The following RBFOX3 variants were observed in gnomAD, a reference collection of about 807,000 sequenced individuals.
RBFOX3 encodes the protein RNA binding fox-1 homolog 3, also known as RNA binding protein fox-1 homolog 3.
Under a neutral mutation model 48.7 loss-of-function variants are expected in RBFOX3, and 17 were observed. The observed-to-expected ratio is 0.35, with a 90% CI of 0.24 to 0.52. RBFOX3 has a LOEUF of 0.52. RBFOX3 is among the 20% of genes least tolerant of loss of function. RBFOX3 has a pLI of 0.94. For missense variants in RBFOX3, 382 were observed against 497.5 expected, an observed-to-expected ratio of 0.77 and a Z score of 2.21; for synonymous variants, 212 against 209.5, an observed-to-expected ratio of 1.01 and a Z score of -0.10.
At chr17:79,181,234 CCTTA>C (rs2051854520) in intron 4 of RBFOX3, among the ~76,000 whole-genome samples, 1 of 152,160 alleles carries the variant, frequency 6.6e-6, no homozygotes, top group Non-Finnish European at 1.5e-5. Flanking sequence ...AGACCAGGAC[CCTTA>C]CTCTAAATCC....
chr17:79,517,113 C>T (rs924446976), intron 1 of RBFOX3, among the ~76,000 whole-genome samples: 1 of 151,924 alleles, frequency 6.6e-6, no homozygotes, highest in South Asian at 2.1e-4. Context: ...CAAAATGGTT[C>T]GTGTGGTAAG....
chr17:79,222,184 T>G (rs28631123), intron 4 of RBFOX3, among the ~76,000 whole-genome samples: 8,273 of 151,866 alleles, frequency 0.054, 344 homozygotes, highest in Admixed American at 0.11. Context: ...GATTTCTACC[T>G]GCAGCCTGAT....
At chr17:79,155,722 G>A (rs554184991) in intron 4 of RBFOX3, among the ~76,000 whole-genome samples, 7 of 152,070 alleles carry the variant, frequency 4.6e-5, no homozygotes, top group South Asian at 2.1e-4. Flanking sequence ...CCTCCAAGAC[G>A]GGGGAGGCAA....
chr17:79,373,417 A>G (rs2058815204), intron 2 of RBFOX3, among the ~76,000 whole-genome samples: 1 of 152,216 alleles, frequency 6.6e-6, no homozygotes, highest in Non-Finnish European at 1.5e-5. Context: ...ACGTGCTCAG[A>G]GCCTCTGATC....
At chr17:79,253,973 C>T (rs761334834) in intron 3 of RBFOX3, among the ~76,000 whole-genome samples, 5 of 152,168 alleles carry the variant, frequency 3.3e-5, no homozygotes, top group Non-Finnish European at 7.3e-5. Context: ...AGGTCAGGTT[C>T]CCAAACCTAA....
In RBFOX3 at chr17:79,243,593, T is replaced by C. The variant is rs2062715837; in HGVS notation, c.-73-7788A>G. ...CTGCAGGCACCTGGCTGCCCTCAGG[T>C]GGGAGGGTGTGGGGAAGGTGCTGGC... On this transcript the variant is annotated intron_variant, in intron 3 of 14. Coordinates refer to ENST00000693108, the MANE Select transcript of RBFOX3 (RefSeq NM_001350451.2). This position sits in a 1 kb window ranked among gnomAD's most constrained non-coding sequence, Gnocchi z 7.9. 1.3e-5 allele frequency among the ~76,000 whole-genome samples: 2 copies of C among 152,072 alleles called. No individual in the cohort carries two copies. Among genetic ancestry groups the C allele is most frequent in the East Asian group, 1.9e-4 (1 of 5,156 alleles).
chr17:79,642,906 A>G, the RBFOX3 span, among the ~76,000 whole-genome samples: 2 of 152,234 alleles, frequency 1.3e-5, no homozygotes, highest in South Asian at 4.1e-4. Flanking sequence ...AAGGCTTAAA[A>G]TGAGCCTGAG....
At chr17:79,381,567 G>A (rs1194814699) in intron 2 of RBFOX3, among the ~76,000 whole-genome samples, 1 of 152,178 alleles carries the variant, frequency 6.6e-6, no homozygotes, top group Admixed American at 6.5e-5. Context: ...TGGTGTCCAT[G>A]TTCCCCTCAA....
intron 4 of RBFOX3, among the ~76,000 whole-genome samples, chr17:79,201,552 G>A (rs2056758063): frequency 6.6e-6 from 1 of 152,142 alleles, no homozygotes; most frequent in Non-Finnish European, 1.5e-5. Context: ...CCTAACCCTG[G>A]GGCATTCATG....
rs1459712603 is a variant in RBFOX3 at position 79,477,137 on chromosome 17, G to T, written c.-175+5317C>A. On this transcript the variant is annotated intron_variant, in intron 2 of 14. Coordinates refer to ENST00000693108, the MANE Select transcript of RBFOX3 (RefSeq NM_001350451.2). This position sits in a 1 kb window ranked among gnomAD's most constrained non-coding sequence, Gnocchi z 4.8. ...AATCCCAGTTACTCGGGAAGCTGAG[G>T]CAGGAGAATCTCTTAAACCCAGGAG... Among the ~76,000 whole-genome samples the T allele has an allele frequency of 2.0e-5, 3 of 151,508 alleles. No homozygotes were observed. The highest frequency in any genetic ancestry group is 2.9e-5 in the Non-Finnish European group (2 of 67,948).
intron 11 of RBFOX3, 93 bp downstream of exon 11, chr17:79,097,199 G>A: frequency 9.3e-7 from 1 of 1,079,468 alleles, no homozygotes; most frequent in South Asian, 1.9e-5. Context: ...TGGAAAGGCT[G>A]CCTAGCCCCT....
intron 4 of RBFOX3, among the ~76,000 whole-genome samples, chr17:79,232,926 C>T (rs7216601): frequency 0.28 from 41,807 of 152,016 alleles, 6,134 homozygotes; most frequent in East Asian, 0.52. Context: ...AATGTAAAGT[C>T]GTGCAACCAC....
intron 1 of RBFOX3, among the ~76,000 whole-genome samples, chr17:79,537,722 C>T (rs956008204): frequency 6.6e-6 from 1 of 152,182 alleles, no homozygotes; most frequent in East Asian, 1.9e-4. Flanking sequence ...CTCCCCAGTC[C>T]CCCAAGGCTC....
chr17:79,580,437 C>G (rs1310990404), intron 1 of RBFOX3, among the ~76,000 whole-genome samples: 16 of 152,022 alleles, frequency 1.1e-4, no homozygotes, highest in African/African-American at 3.9e-4. Context: ...ACAGGCAACC[C>G]CATTAGACCA....
intron 4 of RBFOX3, among the ~76,000 whole-genome samples, chr17:79,223,370 C>A (rs1476225506): frequency 2.0e-5 from 3 of 152,192 alleles, no homozygotes; most frequent in African/African-American, 7.2e-5. Flanking sequence ...CCCTTATCCA[C>A]CCCCCTCACA....
At chr17:79,094,311 C>G (rs899812600) in intron 14 of RBFOX3, 140 bp downstream of exon 14, 1 of 570,920 alleles carries the variant, frequency 1.8e-6, no homozygotes, top group African/African-American at 2.0e-5. Context: ...CACCCTAACT[C>G]ACATCCAGGC....
At chr17:79,155,622 G>A (rs1484129110) in intron 4 of RBFOX3, among the ~76,000 whole-genome samples, 1 of 152,172 alleles carries the variant, frequency 6.6e-6, no homozygotes, top group Admixed American at 6.5e-5. Flanking sequence ...GACGAAGTGG[G>A]TGGGGAGAAG....
chr17:79,254,610 T>A lies in RBFOX3; in HGVS notation c.-73-18805A>T, dbSNP rs958626954. On this transcript the variant is annotated intron_variant, in intron 3 of 14. Coordinates refer to ENST00000693108, the MANE Select transcript of RBFOX3 (RefSeq NM_001350451.2). This position sits in a 1 kb window ranked among gnomAD's most constrained non-coding sequence, Gnocchi z 4.8. ...TGGTGACCAGTGCTGGCCCCAGGGATCTCCCACCTGCTTGGGTTGGTCTTA... is the reference window on the plus strand; with the variant it reads ...TGGTGACCAGTGCTGGCCCCAGGGAACTCCCACCTGCTTGGGTTGGTCTTA... 6.6e-6 allele frequency among the ~76,000 whole-genome samples: 1 copy of A among 152,004 alleles called. No homozygotes were observed. The highest frequency in any genetic ancestry group is 1.5e-5 in the Non-Finnish European group (1 of 67,994).
chr17:79,651,805 G>A, the RBFOX3 span, among the ~76,000 whole-genome samples: 2 of 131,590 alleles, frequency 1.5e-5, no homozygotes, highest in Non-Finnish European at 3.2e-5. Context: ...CTCCTTCTCT[G>A]TCTTTCTCTC....
Sources: allele counts gnomAD v4.1 joint callset (sites outside exome capture counted in the v4.1 genomes callset), GRCh38; gene constraint gnomAD v4.1.1; non-coding constraint Gnocchi (gnomAD v3.1); transcripts MANE v1.5; gene names NCBI Gene and HGNC (gene_info 2026-07-23, HGNC 2026-07-21).